PPP1R11: variants seen among roughly 807,000 people sequenced by gnomAD.
PPP1R11 encodes the protein E3 ubiquitin-protein ligase PPP1R11.
In PPP1R11, 10 loss-of-function variants were observed where a neutral mutation model predicts 11.3. That is an observed-to-expected ratio of 0.88 (90% CI 0.55 to 1.50). The LOEUF (loss-of-function observed/expected upper bound fraction) is 1.50, where lower values mean the gene tolerates loss of function less well. PPP1R11 is among the 40% of genes most tolerant of loss of function. The probability of loss-of-function intolerance (pLI) is 0.00; values close to 1 mark genes in which losing one functional copy is unlikely to be tolerated. For missense variants in PPP1R11, 114 were observed against 179.1 expected, an observed-to-expected ratio of 0.64 and a Z score of 2.07; for synonymous variants, 56 against 62.3, an observed-to-expected ratio of 0.90 and a Z score of 0.48.
chr6:30,068,529 A>T (rs1489767498), intron 1 of PPP1R11, 61 bp from the exon 2 acceptor site: 2 of 1,357,462 alleles, frequency 1.5e-6, no homozygotes, highest in Admixed American at 3.6e-5. Flanking sequence ...GTTCCCTGGG[A>T]GGGAGTGGGA....
At position 30,069,252 on chromosome 6, in the gene PPP1R11, C is replaced by T; in HGVS notation, c.327C>T (p.Thr109=). ...RRATLGPTPT[T]PPQPPDPSQP... ...CAACCCTAGGACCGACCCCCACCAC[C>T]CCTCCCCAGCCTCCTGACCCTTCCC... The change falls in exon 3 of 3, where the codon ACC becomes ACT. Residue 109 remains threonine (T), a synonymous_variant. Transcript: ENST00000376772. This position sits in a 1 kb window ranked among gnomAD's most constrained non-coding sequence, Gnocchi z 6.6. 2 of 1,612,512 alleles carry T rather than the reference C, an allele frequency of 1.2e-6. No individual in the cohort carries two copies. The highest frequency in any genetic ancestry group is 2.2e-5 in the East Asian group (1 of 44,854).
intron 2 of PPP1R11, 49 bp downstream of exon 2, chr6:30,068,747 G>C (rs1561974679): frequency 1.3e-6 from 2 of 1,507,650 alleles, no homozygotes; most frequent in Admixed American, 1.7e-5. Flanking sequence ...GCTCCCTTCA[G>C]CATATCTTGT....
upstream of PPP1R11, chr6:30,062,421 C>A: frequency 1.2e-6 from 1 of 848,924 alleles, no homozygotes; most frequent in Admixed American, 2.0e-5. Flanking sequence ...ATGGCCGTTT[C>A]CCTTGGTCCC....
upstream of PPP1R11, among the ~76,000 whole-genome samples, chr6:30,065,422 G>A (rs1765433856): frequency 6.6e-6 from 1 of 152,044 alleles, no homozygotes; most frequent in Non-Finnish European, 1.5e-5. The surrounding 1 kb of genome is among the most constrained non-coding windows in gnomAD (Gnocchi z 5.3). Context: ...TCTACTTAAT[G>A]AATAGTAAAT....
chr6:30,069,091 C>T lies in PPP1R11; in HGVS notation c.179-13C>T. ...TTCCTCCTCTTTAACTGGGCTCCTC[C>T]CTCTAAATCTAGGCTGCTGTATTTA... On this transcript the variant is annotated splice_polypyrimidine_tract_variant and intron_variant, in intron 2 of 2. Transcript: ENST00000376772. The surrounding 1 kb of genome is among the most constrained non-coding windows in gnomAD (Gnocchi z 6.6). 3 of 1,580,938 alleles carry T rather than the reference C, an allele frequency of 1.9e-6. No individual in the cohort carries two copies. The highest frequency in any genetic ancestry group is 2.6e-6 in the Non-Finnish European group (3 of 1,151,820).
chr6:30,069,182 G>C lies in PPP1R11; in HGVS notation c.257G>C (p.Gly86Ala). The C allele has an allele frequency of 6.2e-7, 1 of 1,612,632 alleles. No individual in the cohort carries two copies. Among genetic ancestry groups the C allele is most frequent in the Non-Finnish European group, 8.5e-7 (1 of 1,179,680 alleles). ...GATGAGGAGGAAGAAGAGGGCTGTG[G>C]TCATACACACTGTGTACGTGGCCAC... ...ESDEEEEEGC[G>A]HTHCVRGHRK... Residue 86 changes from glycine (G) to alanine (A), a missense_variant, in exon 3 of 3, where the codon GGT (glycine) becomes GCT (alanine). Physicochemically the swap from Gly to Ala is moderately conservative, Grantham distance 60 (BLOSUM62 0). Transcript: ENST00000376772. This position sits in a 1 kb window ranked among gnomAD's most constrained non-coding sequence, Gnocchi z 6.6.
Position 30,068,960 on chromosome 6 carries a change from T to G in PPP1R11, c.179-144T>G. 4.7e-6 allele frequency: 4 copies of G among 859,718 alleles called. No homozygotes were observed. The South Asian group carries it at 6.9e-5, about 15-fold the overall frequency. The allele number at this position is 859,718 out of a possible 1,614,324, so 53.3% of individuals were successfully genotyped here. A position where few individuals can be genotyped will look rare whatever the true frequency, so the allele number is the denominator to read the frequency against. On this transcript the variant is annotated intron_variant, in intron 2 of 2. Transcript: ENST00000376772. Reference sequence around the variant, plus strand: ...CTAAGAGGACAAGAGGGGTGGGGCCTGAGTCCCAGAGGGTGGGCCTGGGGA... The same window carrying G: ...CTAAGAGGACAAGAGGGGTGGGGCCGGAGTCCCAGAGGGTGGGCCTGGGGA...
At chr6:30,064,275 A>C (rs892322967), upstream of PPP1R11, among the ~76,000 whole-genome samples, 13 of 151,336 alleles carry the variant, frequency 8.6e-5, no homozygotes, top group Non-Finnish European at 1.0e-4. Context: ...TTTTCCTATC[A>C]CTGGTTGTCA....
At chr6:30,066,012 G>A (rs1437861503), upstream of PPP1R11, among the ~76,000 whole-genome samples, 1 of 152,082 alleles carries the variant, frequency 6.6e-6, no homozygotes, top group East Asian at 1.9e-4. Flanking sequence ...CTCAAACATA[G>A]CTATCTTGTT....
chr6:30,067,553 A>T (rs1348624970), intron 1 of PPP1R11, 74 bp downstream of exon 1: 1 of 1,531,926 alleles, frequency 6.5e-7, no homozygotes, highest in Non-Finnish European at 9.0e-7. Flanking sequence ...GGATTAGAAG[A>T]GTTGTTGGAG....
chr6:30,067,640 T>C, intron 1 of PPP1R11, 161 bp downstream of exon 1: 1 of 887,742 alleles, frequency 1.1e-6, no homozygotes, highest in African/African-American at 1.7e-5. Context: ...TGGAGCTATT[T>C]GGAGTGGCAG....
At chr6:30,062,543 ATTTTTTTTTTTTTTTT>A (rs9278553), upstream of PPP1R11, among the ~76,000 whole-genome samples, 6 of 64,992 alleles carry the variant, frequency 9.2e-5, no homozygotes, top group African/African-American at 2.9e-4. Flanking sequence ...ACCTTTTAGG[ATTTTTTTTTTTTTTTT>A]TTTTTTTTTT....
Position 30,069,508 on chromosome 6 carries a change from A to G in PPP1R11, c.*202A>G, listed in dbSNP as rs570172216. 3 of 490,630 alleles carry G rather than the reference A, an allele frequency of 6.1e-6. No individual in the cohort carries two copies. The highest frequency in any genetic ancestry group is 3.6e-5 in the Admixed American group (1 of 27,476). The allele number at this position is 490,630 out of a possible 1,614,324, so 30.4% of individuals were successfully genotyped here. On this transcript the variant is annotated 3_prime_UTR_variant, in exon 3 of 3. Transcript: ENST00000376772. The surrounding 1 kb of genome is among the most constrained non-coding windows in gnomAD (Gnocchi z 6.6). ...TCCCCAGTCCTCATTTTTCCTCCCA[A>G]TACCCACCCTTCTCTCTCGAGGGAT...
chr6:30,062,412 T>G (rs9261271), upstream of PPP1R11: 2 of 973,902 alleles, frequency 2.1e-6, no homozygotes, highest in East Asian at 5.1e-5. Flanking sequence ...TTGTACGAAA[T>G]GGCCGTTTCC....
At chr6:30,068,566 G>A (rs193278590) in intron 1 of PPP1R11, 24 bp from the exon 2 acceptor site, 455 of 1,592,206 alleles carry the variant, frequency 2.9e-4, no homozygotes, top group Admixed American at 5.0e-4. Flanking sequence ...GACTAGATAG[G>A]TATGCTCATC....
chr6:30,064,661 C>G, upstream of PPP1R11: 1 of 1,606,578 alleles, frequency 6.2e-7, no homozygotes. Context: ...CAAGTCCTTT[C>G]TTTCCTCATA....
At chr6:30,061,507 C>G in the PPP1R11 span, 1 of 1,611,582 alleles carries the variant, frequency 6.2e-7, no homozygotes, top group Non-Finnish European at 8.5e-7. This position sits in a 1 kb window ranked among gnomAD's most constrained non-coding sequence, Gnocchi z 5.0. Context: ...TTCCAACTCC[C>G]TCCTCAGACC....
chr6:30,064,781 T>C, upstream of PPP1R11: 1 of 1,288,410 alleles, frequency 7.8e-7, no homozygotes, highest in East Asian at 2.4e-5. Flanking sequence ...GTCCATCCTG[T>C]CTGGTTGCAA....
At chr6:30,065,454 TTTC>T (rs1162172254), upstream of PPP1R11, among the ~76,000 whole-genome samples, 1 of 152,194 alleles carries the variant, frequency 6.6e-6, no homozygotes, top group Non-Finnish European at 1.5e-5. This position sits in a 1 kb window ranked among gnomAD's most constrained non-coding sequence, Gnocchi z 5.3. Context: ...TCCTTATGAT[TTTC>T]TTAATAATGT....
Sources: gnomAD v4.1 joint callset for allele counts (sites outside exome capture counted in the v4.1 genomes callset) on GRCh38, gnomAD v4.1.1 for gene constraint, Gnocchi (gnomAD v3.1) non-coding constraint, MANE v1.5 for transcripts, NCBI Gene and HGNC (gene_info 2026-07-23, HGNC 2026-07-21) for gene names.